The following SENP7 variants were observed in gnomAD, a reference collection of about 807,000 sequenced individuals.
SENP7 encodes SUMO specific peptidase 7.
In SENP7, 64 loss-of-function variants were observed where a neutral mutation model predicts 141.2. That is an observed-to-expected ratio of 0.45 (90% CI 0.37 to 0.56). The LOEUF is 0.56. Ranked by LOEUF, SENP7 falls within the 20% of genes least tolerant of loss-of-function variation. The pLI is 0.00. For missense variants in SENP7, 1,025 were observed against 1,212.2 expected (o/e 0.85, Z 2.29); for synonymous variants, 382 against 426.4 (o/e 0.90, Z 1.28).
intron 17 of SENP7, among the ~76,000 whole-genome samples, chr3:101,334,795 T>G (rs1459933121): frequency 6.6e-6 from 1 of 152,190 alleles, no homozygotes; most frequent in Non-Finnish European, 1.5e-5. Context: ...ATGCTAACCT[T>G]ATTTGATTGA....
At chr3:101,484,580 G>A (rs1258080153) in intron 3 of SENP7, among the ~76,000 whole-genome samples, 1 of 152,188 alleles carries the variant, frequency 6.6e-6, no homozygotes, top group Non-Finnish European at 1.5e-5. Flanking sequence ...AAGTGGGAAA[G>A]GGAGACCTCC....
intron 13 of SENP7, 32 bp from the exon 14 acceptor site, chr3:101,343,986 G>T: frequency 1.5e-6 from 2 of 1,351,768 alleles, no homozygotes; most frequent in South Asian, 3.0e-5. Flanking sequence ...TGTATCAATA[G>T]TATTATTTTT....
intron 1 of SENP7, among the ~76,000 whole-genome samples, chr3:101,511,819 T>TG (rs1553762623): frequency 6.6e-6 from 1 of 151,432 alleles, no homozygotes; most frequent in Non-Finnish European, 1.5e-5. Flanking sequence ...TTGTTTTTTT[T>TG]TTGTTGTTGT....
intron 5 of SENP7, among the ~76,000 whole-genome samples, chr3:101,401,508 G>A (rs1385004332): frequency 1.4e-5 from 2 of 144,882 alleles, no homozygotes; most frequent in Admixed American, 7.2e-5. Flanking sequence ...TAGCCTGGGC[G>A]ACAGAGCAAC....
At position 101,376,017 on chromosome 3, in the gene SENP7, T is replaced by G. The variant is rs2060318589; in HGVS notation, c.678-3891A>C. Among the ~76,000 whole-genome samples the G allele has an allele frequency of 2.6e-5, 4 of 152,262 alleles. No homozygotes were observed. The South Asian group carries it at 8.3e-4, about 32-fold the overall frequency. The stretch of plus-strand genomic sequence containing the variant: ...ATGGTAACACAGTTTCTGCTTGAGA[T>G]GAAAAAGTTGTGATAATGGTTGCAC... On this transcript the variant is annotated intron_variant, in intron 6 of 23. Transcript: ENST00000394095.
chr3:101,388,210 C>T (rs1174849085), intron 6 of SENP7, among the ~76,000 whole-genome samples: 1 of 152,178 alleles, frequency 6.6e-6, no homozygotes, highest in African/African-American at 2.4e-5. Flanking sequence ...CCTGCCACCA[C>T]CAGCACAACT....
chr3:101,505,566 A>G (rs941859406), intron 1 of SENP7, among the ~76,000 whole-genome samples: 1 of 152,094 alleles, frequency 6.6e-6, no homozygotes, highest in African/African-American at 2.4e-5. Flanking sequence ...CAATTTTTTT[A>G]TAGCTGACTT....
chr3:101,408,576 A>C (rs2061369646), intron 5 of SENP7, among the ~76,000 whole-genome samples: 1 of 152,240 alleles, frequency 6.6e-6, no homozygotes, highest in East Asian at 1.9e-4. Flanking sequence ...TCAAAAAGAT[A>C]ATCCACCATG....
chr3:101,400,698 C>G (rs1420916260), intron 5 of SENP7, among the ~76,000 whole-genome samples: 3 of 144,752 alleles, frequency 2.1e-5, no homozygotes, highest in Non-Finnish European at 4.5e-5. Context: ...TCCTCCCTAT[C>G]CCCTGAGACA....
chr3:101,467,540 T>G (rs965295546), intron 3 of SENP7, among the ~76,000 whole-genome samples: 1 of 152,202 alleles, frequency 6.6e-6, no homozygotes, highest in Non-Finnish European at 1.5e-5. Context: ...TTCTGCAGCC[T>G]CCATTGGTGA....
intron 1 of SENP7, among the ~76,000 whole-genome samples, chr3:101,507,060 CAAA>C (rs11315312): frequency 5.6e-5 from 5 of 89,032 alleles, no homozygotes; most frequent in Admixed American, 1.1e-4. Context: ...GATCCCATCT[CAAA>C]AAAAAAAAAA....
At chr3:101,451,163 C>G (rs931022242) in intron 4 of SENP7, among the ~76,000 whole-genome samples, 1 of 152,156 alleles carries the variant, frequency 6.6e-6, no homozygotes, top group Non-Finnish European at 1.5e-5. Flanking sequence ...AAGACTAAAT[C>G]AGGAAGAAGT....
intron 3 of SENP7, among the ~76,000 whole-genome samples, chr3:101,470,139 C>T (rs1006465097): frequency 3.3e-5 from 5 of 152,026 alleles, no homozygotes; most frequent in Non-Finnish European, 5.9e-5. Flanking sequence ...GATCTAAAAT[C>T]GACACACTAA....
In SENP7 at chr3:101,431,617, C is replaced by T. The variant is rs540883637; in HGVS notation, c.285-13827G>A. On this transcript the variant is annotated intron_variant, in intron 4 of 23. Transcript: ENST00000394095. The stretch of plus-strand genomic sequence containing the variant: ...TGGCCAACATGGTGAAACCCTGTCT[C>T]GACTAAAAATACAAAAATTAGCTGG... Among the ~76,000 whole-genome samples, 4 of 148,966 alleles carry T rather than the reference C, an allele frequency of 2.7e-5. No homozygotes were observed. The South Asian group carries it at 6.4e-4, about 24-fold the overall frequency.
At chr3:101,451,166 G>T (rs557730327) in intron 4 of SENP7, among the ~76,000 whole-genome samples, 6 of 152,126 alleles carry the variant, frequency 3.9e-5, no homozygotes, top group African/African-American at 1.4e-4. Flanking sequence ...ACTAAATCAG[G>T]AAGAAGTTGA....
intron 2 of SENP7, among the ~76,000 whole-genome samples, chr3:101,498,589 C>G (rs1219443304): frequency 6.6e-6 from 1 of 152,158 alleles, no homozygotes; most frequent in African/African-American, 2.4e-5. Flanking sequence ...CTTAAGAAAA[C>G]TAGGGAGACC....
At chr3:101,328,149 A>G (rs2058953585) in intron 22 of SENP7, among the ~76,000 whole-genome samples, 1 of 152,180 alleles carries the variant, frequency 6.6e-6, no homozygotes, top group Non-Finnish European at 1.5e-5. Context: ...ATACATACAT[A>G]TACATAATTA....
At chr3:101,455,538 T>TAA (rs758473130) in intron 4 of SENP7, among the ~76,000 whole-genome samples, 10 of 151,262 alleles carry the variant, frequency 6.6e-5, no homozygotes, top group African/African-American at 2.4e-4. Flanking sequence ...TAATTTGATT[T>TAA]AAAAAAAAAT....
In SENP7 at chr3:101,493,894, T is replaced by C. The variant is rs746707435; in HGVS notation, c.165A>G (p.Glu55=). 5 of 1,605,304 alleles carry C rather than the reference T, an allele frequency of 3.1e-6. No homozygotes were observed. The African/African-American group carries it at 6.7e-5, about 21-fold the overall frequency. Residue 55 remains glutamate (E), a synonymous_variant, in exon 3 of 24, where the codon GAA becomes GAG. Coordinates refer to ENST00000394095, the MANE Select transcript of SENP7 (RefSeq NM_020654.5). The stretch of plus-strand genomic sequence containing the variant: ...CCACCTGCAAAGGGAGAGTCCAGCG[T>C]TCTGAGCTTCTGAATTTGGACAGTG... ...QSPLSKFRSS[E]RWTLPLQWER...
Sources: allele counts gnomAD v4.1 joint callset (sites outside exome capture counted in the v4.1 genomes callset), GRCh38; gene constraint gnomAD v4.1.1; transcripts MANE v1.5; gene names NCBI Gene and HGNC (gene_info 2026-07-23, HGNC 2026-07-21).